The following HECW1 variants were observed in gnomAD, a reference collection of about 807,000 sequenced individuals.
HECW1 encodes HECT, C2 and WW domain containing E3 ubiquitin protein ligase 1.
HECW1 carries 61 observed loss-of-function variants against 182.3 expected under a neutral mutation model. That is an observed-to-expected ratio of 0.33 (90% CI 0.27 to 0.41). The LOEUF (loss-of-function observed/expected upper bound fraction) is 0.41. HECW1 is among the 10% of genes least tolerant of loss of function. The probability of loss-of-function intolerance (pLI) is 1.00; values close to 1 mark genes in which losing one functional copy is unlikely to be tolerated. For missense variants in HECW1, 1,739 were observed against 2,108.9 expected (o/e 0.82, Z 3.44); for synonymous variants, 859 against 832.6 (o/e 1.03, Z -0.55).
intron 8 of HECW1, among the ~76,000 whole-genome samples, chr7:43,435,377 A>G (rs947834891): frequency 6.6e-6 from 1 of 152,188 alleles, no homozygotes; most frequent in African/African-American, 2.4e-5. Flanking sequence ...TTGGATTCTC[A>G]AACTTGACAT....
intron 2 of HECW1, among the ~76,000 whole-genome samples, chr7:43,169,948 G>A (rs1188257851): frequency 6.6e-6 from 1 of 152,116 alleles, no homozygotes; most frequent in African/African-American, 2.4e-5. Context: ...TGTATAGAGG[G>A]TAAGTGATTA....
At chr7:43,514,852 A>G (rs1179116894) in intron 24 of HECW1, among the ~76,000 whole-genome samples, 1 of 152,178 alleles carries the variant, frequency 6.6e-6, no homozygotes, top group Non-Finnish European at 1.5e-5. Context: ...GAGTTATCCT[A>G]CTTTTACAGA....
At chr7:43,291,204 G>A (rs1251233847) in intron 3 of HECW1, among the ~76,000 whole-genome samples, 1 of 152,204 alleles carries the variant, frequency 6.6e-6, no homozygotes, top group African/African-American at 2.4e-5. Flanking sequence ...GGGTACACCT[G>A]CTAGCAGTCT....
intron 3 of HECW1, among the ~76,000 whole-genome samples, chr7:43,308,697 C>G (rs1421625575): frequency 6.6e-6 from 1 of 151,860 alleles, no homozygotes; most frequent in East Asian, 1.9e-4. Flanking sequence ...TCTTGGCTCA[C>G]TGCAACCTCC....
chr7:43,153,273 T>G (rs1487754548), intron 2 of HECW1, among the ~76,000 whole-genome samples: 1 of 152,200 alleles, frequency 6.6e-6, no homozygotes, highest in African/African-American at 2.4e-5. Context: ...AAATTACTGC[T>G]TTTACAGTGT....
intron 2 of HECW1, among the ~76,000 whole-genome samples, chr7:43,171,142 T>C (rs1791647028): frequency 1.3e-5 from 2 of 152,148 alleles, no homozygotes; most frequent in Non-Finnish European, 2.9e-5. Context: ...AACATGAAAA[T>C]AAGTGTGTGA....
At chr7:43,322,076 T>G (rs1810195574) in intron 5 of HECW1, among the ~76,000 whole-genome samples, 1 of 152,228 alleles carries the variant, frequency 6.6e-6, no homozygotes, top group Non-Finnish European at 1.5e-5. Flanking sequence ...AGAATTTCTT[T>G]TCTTTTTTTT....
intron 8 of HECW1, among the ~76,000 whole-genome samples, chr7:43,415,188 A>T (rs1490419058): frequency 2.0e-5 from 3 of 150,460 alleles, no homozygotes; most frequent in Admixed American, 6.6e-5. Context: ...TTCCATGTTT[A>T]GCACTTCCTT....
intron 3 of HECW1, among the ~76,000 whole-genome samples, chr7:43,296,618 T>C (rs1806087158): frequency 6.6e-6 from 1 of 152,234 alleles, no homozygotes; most frequent in Non-Finnish European, 1.5e-5. Flanking sequence ...CCATGTCACT[T>C]TTGTTTGTCT....
intron 2 of HECW1, among the ~76,000 whole-genome samples, chr7:43,193,352 A>G (rs1277146320): frequency 6.6e-6 from 1 of 151,858 alleles, no homozygotes; most frequent in African/African-American, 2.4e-5. Context: ...CCAAAATATT[A>G]TATGTATTAT....
At chr7:43,180,960 A>G (rs1024053636) in intron 2 of HECW1, among the ~76,000 whole-genome samples, 1 of 152,094 alleles carries the variant, frequency 6.6e-6, no homozygotes, top group Non-Finnish European at 1.5e-5. Context: ...ATCTAACTGT[A>G]ACTTTGTAAC....
At chr7:43,369,322 G>A (rs1037061966) in intron 6 of HECW1, among the ~76,000 whole-genome samples, 3 of 152,176 alleles carry the variant, frequency 2.0e-5, no homozygotes, top group Non-Finnish European at 4.4e-5. Flanking sequence ...GCCGGGTGTG[G>A]TGGCACATGC....
At chr7:43,254,730 T>A (rs1193083732) in intron 3 of HECW1, among the ~76,000 whole-genome samples, 3 of 152,206 alleles carry the variant, frequency 2.0e-5, no homozygotes, top group Admixed American at 2.0e-4. Context: ...TCAGTTTAAT[T>A]ACCATCTCTC....
At chr7:43,533,947 A>C (rs549832217) in intron 24 of HECW1, among the ~76,000 whole-genome samples, 1 of 152,282 alleles carries the variant, frequency 6.6e-6, no homozygotes, top group South Asian at 2.1e-4. Context: ...TGTTGGGGCA[A>C]CAGATCAAGA....
intron 2 of HECW1, among the ~76,000 whole-genome samples, chr7:43,117,232 C>T (rs1785125648): frequency 6.6e-6 from 1 of 152,172 alleles, no homozygotes; most frequent in African/African-American, 2.4e-5. Context: ...TTTTTATTCT[C>T]ACCACTGAGT....
intron 2 of HECW1, among the ~76,000 whole-genome samples, chr7:43,214,794 G>A (rs796794778): frequency 3.3e-5 from 5 of 152,320 alleles, no homozygotes; most frequent in African/African-American, 1.2e-4. Flanking sequence ...CCCAGAGAGG[G>A]GCCAGCTCAC....
chr7:43,326,898 G>A (rs534460565), intron 5 of HECW1, among the ~76,000 whole-genome samples: 11 of 152,318 alleles, frequency 7.2e-5, no homozygotes, highest in East Asian at 3.9e-4. Context: ...GAACAAGCTC[G>A]CTGGGACCAG....
intron 6 of HECW1, among the ~76,000 whole-genome samples, chr7:43,394,061 A>G (rs896146899): frequency 1.3e-5 from 2 of 152,178 alleles, no homozygotes; most frequent in Non-Finnish European, 2.9e-5. Flanking sequence ...GGCTTTAGCC[A>G]TTGATTGTTA....
chr7:43,417,111 C>T (rs770504044), intron 8 of HECW1, among the ~76,000 whole-genome samples: 4 of 152,150 alleles, frequency 2.6e-5, no homozygotes, highest in African/African-American at 7.2e-5. Flanking sequence ...AGTGCAATGG[C>T]GCAATCTCGG....
Sources: allele counts gnomAD v4.1 joint callset (sites outside exome capture counted in the v4.1 genomes callset), GRCh38; gene constraint gnomAD v4.1.1; transcripts MANE v1.5; gene names NCBI Gene and HGNC (gene_info 2026-07-23, HGNC 2026-07-21).